HSD17B11: variants seen among roughly 807,000 people sequenced by gnomAD.
The protein encoded by HSD17B11 is estradiol 17-beta-dehydrogenase 11.
A neutral mutation model predicts 27.8 loss-of-function variants in HSD17B11; 22 were observed. The ratio of observed to expected loss-of-function variants is 0.79; its 90% CI spans 0.56 to 1.13. HSD17B11 has a LOEUF of 1.13. Among genes scored for constraint, HSD17B11 ranks in the 50% most tolerant of loss-of-function variants. The pLI is 0.00. For synonymous variants in HSD17B11, 117 were observed against 132.8 expected (o/e 0.88, Z 0.82); for missense variants, 314 against 351.1 (o/e 0.89, Z 0.84).
At chr4:87,368,190 A>G (rs7664717) in intron 4 of HSD17B11, among the ~76,000 whole-genome samples, 24,000 of 151,900 alleles carry the variant, frequency 0.16, 2,045 homozygotes, top group Admixed American at 0.19. Flanking sequence ...GGTGGCGGGC[A>G]CCTGTAGTCC....
chr4:87,360,238 G>A (rs998076508), intron 4 of HSD17B11, among the ~76,000 whole-genome samples: 6 of 152,004 alleles, frequency 3.9e-5, no homozygotes, highest in Admixed American at 6.6e-5. Context: ...TCAAAAAAGT[G>A]ACAAAAAACA....
chr4:87,354,649 AATAAAAAAAAT>A (rs1467263178), intron 5 of HSD17B11, among the ~76,000 whole-genome samples: 2 of 151,074 alleles, frequency 1.3e-5, no homozygotes, highest in African/African-American at 2.4e-5. Context: ...TCTCAAAAAA[AATAAAAAAAAT>A]AAAAAAAGGA....
intron 2 of HSD17B11, among the ~76,000 whole-genome samples, chr4:87,377,462 G>A (rs1453582456): frequency 6.8e-6 from 1 of 146,602 alleles, no homozygotes; most frequent in African/African-American, 2.5e-5. Flanking sequence ...AAAAAAAAAA[G>A]ACTATACTCA....
Position 87,340,543 on chromosome 4 carries a change from C to A in HSD17B11, c.759G>T (p.Glu253Asp). The A allele has an allele frequency of 6.2e-7, 1 of 1,611,218 alleles. No homozygotes were observed. The part of the protein sequence containing the change: ...VNRLMHGILT[E>D]QKMIFIPSSI... ...AAGATGGAATAAAAATCATCTTCTG[C>A]TCAGTCAGAATCCCATGCATCAGCC... The change falls in exon 6 of 7, where the codon GAG becomes GAT. Residue 253 changes from glutamate (E) to aspartate (D), a missense_variant. Transcript: ENST00000358290.
intron 5 of HSD17B11, among the ~76,000 whole-genome samples, chr4:87,354,471 G>T (rs1195110372): frequency 6.6e-6 from 1 of 151,622 alleles, no homozygotes; most frequent in African/African-American, 2.4e-5. Flanking sequence ...GGGAGACCCT[G>T]TCTCTACAAA....
chr4:87,385,122 A>C (rs1173240970), intron 1 of HSD17B11, among the ~76,000 whole-genome samples: 1 of 152,204 alleles, frequency 6.6e-6, no homozygotes, highest in African/African-American at 2.4e-5. Flanking sequence ...AGGAACTCTT[A>C]TTCCTCAAGG....
intron 5 of HSD17B11, among the ~76,000 whole-genome samples, chr4:87,343,633 C>T (rs555387503): frequency 6.6e-6 from 1 of 151,592 alleles, no homozygotes; most frequent in African/African-American, 2.4e-5. Flanking sequence ...CTGCAACCTC[C>T]GTCTCCCAGG....
chr4:87,358,409 A>C (rs1560761691), intron 4 of HSD17B11, among the ~76,000 whole-genome samples: 1 of 152,180 alleles, frequency 6.6e-6, no homozygotes, highest in Non-Finnish European at 1.5e-5. Context: ...ATCACAATGC[A>C]AAGCGTTTAT....
intron 2 of HSD17B11, among the ~76,000 whole-genome samples, chr4:87,378,895 A>AATATATATATATATATATATATTTATAT (rs1303288739): frequency 1.2e-4 from 1 of 8,410 alleles, no homozygotes; most frequent in Admixed American, 2.5e-3. Flanking sequence ...TATATATATA[A>AATATATATATATATATATATATTTATAT]ATATATATAA....
At chr4:87,342,148 C>T (rs1465017431) in intron 5 of HSD17B11, among the ~76,000 whole-genome samples, 1 of 151,686 alleles carries the variant, frequency 6.6e-6, no homozygotes, top group Non-Finnish European at 1.5e-5. Context: ...TTTGGGAGGC[C>T]GAGGCAAGCA....
chr4:87,379,005 T>G (rs1720054483), intron 2 of HSD17B11, among the ~76,000 whole-genome samples: 1 of 130,044 alleles, frequency 7.7e-6, no homozygotes, highest in African/African-American at 2.8e-5. Context: ...TTGTCCAGGC[T>G]GGGGTGCAGT....
chr4:87,356,703 G>T (rs1024880464), intron 5 of HSD17B11, among the ~76,000 whole-genome samples: 1 of 152,166 alleles, frequency 6.6e-6, no homozygotes, highest in Admixed American at 6.5e-5. Flanking sequence ...TCTAAAGAGA[G>T]AAAACATTAA....
chr4:87,378,891 T>A (rs182475882), intron 2 of HSD17B11, among the ~76,000 whole-genome samples: 145 of 8,360 alleles, frequency 0.017, 11 homozygotes, highest in African/African-American at 0.061. Flanking sequence ...AATATATATA[T>A]ATAAATATAT....
intron 2 of HSD17B11, among the ~76,000 whole-genome samples, chr4:87,381,744 G>A (rs539567004): frequency 7.4e-6 from 1 of 134,314 alleles, no homozygotes; most frequent in South Asian, 2.4e-4. Context: ...GGGTAACAGA[G>A]TGAGACCCCC....
chr4:87,353,065 A>G (rs1735315768), intron 5 of HSD17B11, among the ~76,000 whole-genome samples: 1 of 132,944 alleles, frequency 7.5e-6, no homozygotes, highest in Non-Finnish European at 1.6e-5. Flanking sequence ...ATGGAAATGC[A>G]GAAATCACCG....
chr4:87,368,449 C>T (rs1316343772), intron 4 of HSD17B11, among the ~76,000 whole-genome samples: 1 of 152,122 alleles, frequency 6.6e-6, no homozygotes, highest in Non-Finnish European at 1.5e-5. Context: ...ATATCATGGC[C>T]CCATTCAGCC....
chr4:87,354,322 T>A (rs938969867), intron 5 of HSD17B11, among the ~76,000 whole-genome samples: 5 of 151,808 alleles, frequency 3.3e-5, no homozygotes, highest in Non-Finnish European at 7.4e-5. Context: ...ATAATAATAA[T>A]AAAATAGAAC....
At chr4:87,337,989 G>A (rs564790474) in intron 6 of HSD17B11, among the ~76,000 whole-genome samples, 13 of 152,280 alleles carry the variant, frequency 8.5e-5, no homozygotes, top group South Asian at 4.1e-4. Flanking sequence ...AGGCAGAGGC[G>A]GGTGGATCAC....
chr4:87,373,905 C>A (rs1353171269), intron 3 of HSD17B11, among the ~76,000 whole-genome samples: 1 of 152,108 alleles, frequency 6.6e-6, no homozygotes, highest in Non-Finnish European at 1.5e-5. Flanking sequence ...GCTATTTGGG[C>A]AATATTTGGA....
Sources: gnomAD v4.1 joint callset for allele counts (sites outside exome capture counted in the v4.1 genomes callset) on GRCh38, gnomAD v4.1.1 for gene constraint, MANE v1.5 for transcripts, NCBI Gene and HGNC (gene_info 2026-07-23, HGNC 2026-07-21) for gene names.